The following NELL1 variants were observed in gnomAD, a reference collection of about 807,000 sequenced individuals.
NELL1 encodes the protein neural EGFL like 1.
NELL1 carries 76 observed loss-of-function variants against 107.4 expected under a neutral mutation model. That is an observed-to-expected ratio of 0.71 (90% confidence interval 0.59 to 0.86). The LOEUF (loss-of-function observed/expected upper bound fraction) is 0.86, where lower values mean the gene tolerates loss of function less well. Among genes scored for constraint, NELL1 ranks in the 40% least tolerant of loss-of-function variants. The pLI, the probability that NELL1 is intolerant of heterozygous loss-of-function variation, is 0.00. For synonymous variants in NELL1, 353 were observed against 341.2 expected (o/e 1.03, Z -0.38); for missense variants, 1,024 against 1,005.5 (o/e 1.02, Z -0.25).
rs549632825 is a variant in NELL1, at chr11:20,685,690, C to G, written c.184+7630C>G. Among the ~76,000 whole-genome samples the G allele has an allele frequency of 2.6e-5, 4 of 152,204 alleles. No homozygotes were observed. The East Asian group carries it at 7.8e-4, about 30-fold the overall frequency. ...TGGTGAGCTCTCGTTAAACTTGAGT[C>G]TATACATTTTAAAGTAATAGGGTAT... On this transcript the variant is annotated intron_variant, in intron 2 of 19. Coordinates refer to ENST00000357134, the MANE Select transcript of NELL1 (RefSeq NM_006157.5).
intron 12 of NELL1, among the ~76,000 whole-genome samples, chr11:21,030,622 ATTTTTT>A (rs201033870): frequency 9.4e-4 from 113 of 120,124 alleles, no homozygotes; most frequent in African/African-American, 2.4e-3. Context: ...ATTTTCTTGT[ATTTTTT>A]TTTTTTTTTT....
At chr11:20,753,857 C>A (rs2133948222) in intron 2 of NELL1, among the ~76,000 whole-genome samples, 1 of 152,272 alleles carries the variant, frequency 6.6e-6, no homozygotes, top group African/African-American at 2.4e-5. Context: ...ATCATATTTT[C>A]TCAGGAATTC....
intron 13 of NELL1, among the ~76,000 whole-genome samples, chr11:21,206,694 T>A (rs1189741013): frequency 6.6e-6 from 1 of 152,060 alleles, no homozygotes; most frequent in Non-Finnish European, 1.5e-5. Flanking sequence ...GGAAAAGAGA[T>A]TTTTCCCCTT....
At chr11:20,959,649 G>T (rs1304128366) in intron 11 of NELL1, among the ~76,000 whole-genome samples, 1 of 152,118 alleles carries the variant, frequency 6.6e-6, no homozygotes, top group Non-Finnish European at 1.5e-5. Flanking sequence ...TGACATCATA[G>T]ACTTTAGGAA....
At chr11:20,850,572 G>A (rs113801845) in intron 4 of NELL1, among the ~76,000 whole-genome samples, 442 of 152,284 alleles carry the variant, frequency 2.9e-3, no homozygotes, top group Non-Finnish European at 4.6e-3. Context: ...ACCCAAGTTT[G>A]ACCTATGAGT....
chr11:21,049,209 T>C (rs1020572745), intron 12 of NELL1, among the ~76,000 whole-genome samples: 2 of 152,132 alleles, frequency 1.3e-5, no homozygotes, highest in Non-Finnish European at 2.9e-5. Flanking sequence ...GCAGCTCTTC[T>C]CCACTAAGGG....
At chr11:21,504,581 A>G (rs1168671980) in intron 15 of NELL1, among the ~76,000 whole-genome samples, 2 of 152,118 alleles carry the variant, frequency 1.3e-5, no homozygotes, top group Admixed American at 6.5e-5. Flanking sequence ...CAATTTACCT[A>G]TAATAGGCTT....
At chr11:21,535,309 A>T (rs1856106791) in intron 16 of NELL1, among the ~76,000 whole-genome samples, 1 of 152,182 alleles carries the variant, frequency 6.6e-6, no homozygotes, top group Non-Finnish European at 1.5e-5. Flanking sequence ...TGAATTCTTA[A>T]TGCTGATTTG....
At chr11:20,680,846 TCA>T (rs1854173404) in intron 2 of NELL1, among the ~76,000 whole-genome samples, 1 of 152,148 alleles carries the variant, frequency 6.6e-6, no homozygotes, top group South Asian at 2.1e-4. Context: ...GTGTCCTCTC[TCA>T]GTCTTCTTCA....
chr11:20,918,268 T>G lies in NELL1; in HGVS notation c.676+14T>G, dbSNP rs765398886. 7.0e-6 allele frequency: 10 copies of G among 1,424,836 alleles called. No individual in the cohort carries two copies. Among genetic ancestry groups the G allele is most frequent in the Non-Finnish European group, 5.9e-6 (6 of 1,009,110 alleles). The allele number at this position is 1,424,836 out of a possible 1,614,324, so 88.3% of individuals were successfully genotyped here. ...ATCTAAATCACAGTAAGTAGCAACT[T>G]AAAGCATTGTGATATATTATATAAC... On this transcript the variant is annotated intron_variant, in intron 6 of 19. Transcript: ENST00000357134.
chr11:20,795,874 G>A (rs1857159748), intron 3 of NELL1, among the ~76,000 whole-genome samples: 1 of 152,098 alleles, frequency 6.6e-6, no homozygotes. Context: ...GTGATGCCAA[G>A]TAGACTTGGG....
At chr11:21,442,714 G>T (rs1397527147) in intron 15 of NELL1, among the ~76,000 whole-genome samples, 1 of 152,180 alleles carries the variant, frequency 6.6e-6, no homozygotes, top group East Asian at 1.9e-4. Context: ...TATGCTGTCA[G>T]CACAGGAATG....
At chr11:21,538,802 C>T (rs1477716828) in intron 16 of NELL1, among the ~76,000 whole-genome samples, 1 of 152,108 alleles carries the variant, frequency 6.6e-6, no homozygotes, top group Admixed American at 6.6e-5. Context: ...CAGTACTTTG[C>T]ATATTTTAAA....
intron 2 of NELL1, among the ~76,000 whole-genome samples, chr11:20,736,368 G>T (rs1855761744): frequency 6.6e-6 from 1 of 152,170 alleles, no homozygotes; most frequent in South Asian, 2.1e-4. Context: ...TGGCCGAGCA[G>T]AGCAACCTGT....
intron 14 of NELL1, among the ~76,000 whole-genome samples, chr11:21,290,908 A>T (rs1424591314): frequency 6.6e-6 from 1 of 152,226 alleles, no homozygotes. Flanking sequence ...AAAGGCTGAA[A>T]ATTCCAAAAA....
intron 13 of NELL1, among the ~76,000 whole-genome samples, chr11:21,129,847 T>C (rs539463959): frequency 6.6e-6 from 1 of 152,332 alleles, no homozygotes; most frequent in African/African-American, 2.4e-5. Context: ...GTGATGGCTG[T>C]ACAATATAAA....
intron 15 of NELL1, among the ~76,000 whole-genome samples, chr11:21,530,712 A>T (rs1441884261): frequency 6.6e-6 from 1 of 152,130 alleles, no homozygotes; most frequent in Non-Finnish European, 1.5e-5. Flanking sequence ...TTAAATAGAA[A>T]CTACATAATG....
chr11:20,747,677 G>T (rs1008074777), intron 2 of NELL1, among the ~76,000 whole-genome samples: 5 of 152,128 alleles, frequency 3.3e-5, no homozygotes, highest in Non-Finnish European at 7.4e-5. Context: ...ATTTCAACAT[G>T]CGTTTTGGAG....
intron 15 of NELL1, among the ~76,000 whole-genome samples, chr11:21,491,150 C>A (rs1182413341): frequency 6.6e-6 from 1 of 152,072 alleles, no homozygotes; most frequent in Non-Finnish European, 1.5e-5. Context: ...TGTAGGTTGC[C>A]TGTTCACTCT....
Sources: gnomAD v4.1 joint callset for allele counts (sites outside exome capture counted in the v4.1 genomes callset) on GRCh38, gnomAD v4.1.1 for gene constraint, MANE v1.5 for transcripts, NCBI Gene and HGNC (gene_info 2026-07-23, HGNC 2026-07-21) for gene names.